The following SH3GL3 variants were observed in gnomAD, a reference collection of about 807,000 sequenced individuals.
The protein encoded by SH3GL3 is endophilin-A3.
Under a neutral mutation model 47.7 loss-of-function variants are expected in SH3GL3, and 33 were observed. The ratio of observed to expected loss-of-function variants is 0.69; its 90% CI spans 0.52 to 0.92. The LOEUF (loss-of-function observed/expected upper bound fraction) is 0.92. SH3GL3 is among the 40% of genes least tolerant of loss of function. The probability of loss-of-function intolerance (pLI) is 0.00; values close to 1 mark genes in which losing one functional copy is unlikely to be tolerated. For synonymous variants in SH3GL3, 155 were observed against 148.8 expected, an observed-to-expected ratio of 1.04 and a Z score of -0.30; for missense variants, 363 against 417.8, an observed-to-expected ratio of 0.87 and a Z score of 1.14.
intron 8 of SH3GL3, among the ~76,000 whole-genome samples, chr15:83,601,030 A>G (rs2060365681): frequency 6.6e-6 from 1 of 152,188 alleles, no homozygotes; most frequent in Non-Finnish European, 1.5e-5. Context: ...ATTTATGTAC[A>G]TTAATTTTGT....
At chr15:83,553,868 C>T (rs140910299) in intron 1 of SH3GL3, among the ~76,000 whole-genome samples, 110 of 152,228 alleles carry the variant, frequency 7.2e-4, no homozygotes, top group Middle Eastern at 3.4e-3. Flanking sequence ...AATTTACCAC[C>T]ATAGTTTCTC....
intron 1 of SH3GL3, among the ~76,000 whole-genome samples, chr15:83,539,022 G>T (rs1183002513): frequency 6.6e-6 from 1 of 152,116 alleles, no homozygotes; most frequent in African/African-American, 2.4e-5. Context: ...GGAAACACTT[G>T]TGTTGTTGTT....
intron 1 of SH3GL3, among the ~76,000 whole-genome samples, chr15:83,515,407 G>A (rs1168056524): frequency 6.6e-6 from 1 of 152,158 alleles, no homozygotes; most frequent in Non-Finnish European, 1.5e-5. Context: ...CTAGCAGGTC[G>A]AGTGCTTGAC....
chr15:83,447,446 G>T lies in SH3GL3; in HGVS notation c.-88G>T. ...GGCGGAGCCCAGCCGCGGGGGGACC[G>T]GCCCGGGCTCCCGCTCCCCGAGCGC... On this transcript the variant is annotated 5_prime_UTR_variant, in exon 1 of 9. Coordinates refer to ENST00000427482, the MANE Select transcript of SH3GL3 (RefSeq NM_003027.5). This position sits in a 1 kb window ranked among gnomAD's most constrained non-coding sequence, Gnocchi z 5.1. 8.4e-7 allele frequency: 1 copy of T among 1,196,172 alleles called. No individual in the cohort carries two copies. Among genetic ancestry groups the T allele is most frequent in the Non-Finnish European group, 1.1e-6 (1 of 919,548 alleles). The allele number at this position is 1,196,172 out of a possible 1,614,324, so 74.1% of individuals were successfully genotyped here.
intron 1 of SH3GL3, among the ~76,000 whole-genome samples, chr15:83,523,442 G>A (rs548962001): frequency 1.5e-4 from 23 of 152,276 alleles, no homozygotes; most frequent in Admixed American, 3.9e-4. Context: ...GGGGCTGAAC[G>A]CCATCTCCCA....
At chr15:83,569,730 G>T (rs1246897941) in intron 4 of SH3GL3, among the ~76,000 whole-genome samples, 1 of 152,188 alleles carries the variant, frequency 6.6e-6, no homozygotes, top group African/African-American at 2.4e-5. Context: ...ATACAAAAAT[G>T]ATATCTCATT....
At chr15:83,493,448 C>T (rs1375925644) in intron 1 of SH3GL3, among the ~76,000 whole-genome samples, 6 of 152,174 alleles carry the variant, frequency 3.9e-5, no homozygotes, top group African/African-American at 9.7e-5. Context: ...TTAAATGATC[C>T]TCTTCCCAGC....
chr15:83,577,687 AG>A (rs2059720302), intron 6 of SH3GL3, among the ~76,000 whole-genome samples: 1 of 152,148 alleles, frequency 6.6e-6, no homozygotes, highest in South Asian at 2.1e-4. Flanking sequence ...CCACCACGCC[AG>A]CCCCTGACTC....
At chr15:83,601,036 T>G (rs996777327) in intron 8 of SH3GL3, among the ~76,000 whole-genome samples, 3 of 152,216 alleles carry the variant, frequency 2.0e-5, no homozygotes, top group Non-Finnish European at 4.4e-5. Flanking sequence ...GTACATTAAT[T>G]TTGTATCCTG....
At chr15:83,450,712 T>C (rs542983209) in intron 1 of SH3GL3, among the ~76,000 whole-genome samples, 76 of 150,044 alleles carry the variant, frequency 5.1e-4, no homozygotes, top group Non-Finnish European at 7.9e-4. Flanking sequence ...TTTCTTTTTT[T>C]TTTTTTTTCT....
intron 1 of SH3GL3, among the ~76,000 whole-genome samples, chr15:83,533,663 A>G (rs1232090850): frequency 6.6e-6 from 1 of 152,156 alleles, no homozygotes; most frequent in Non-Finnish European, 1.5e-5. Flanking sequence ...GCATTGCCAC[A>G]GGGAGGGTGT....
intron 8 of SH3GL3, among the ~76,000 whole-genome samples, chr15:83,592,502 C>T (rs540698053): frequency 1.4e-5 from 2 of 139,888 alleles, no homozygotes; most frequent in East Asian, 4.6e-4. Context: ...AATGCTAAGA[C>T]CCATGTCATG....
chr15:83,502,930 C>T (rs915498714), intron 1 of SH3GL3, among the ~76,000 whole-genome samples: 1 of 152,052 alleles, frequency 6.6e-6, no homozygotes, highest in African/African-American at 2.4e-5. Flanking sequence ...GCTTATGTGA[C>T]CAGAGGCTTG....
At chr15:83,472,157 T>G (rs1330897563) in intron 1 of SH3GL3, among the ~76,000 whole-genome samples, 1 of 152,248 alleles carries the variant, frequency 6.6e-6, no homozygotes, top group Non-Finnish European at 1.5e-5. Flanking sequence ...GTGCTGGGAT[T>G]ACAGGCGTGA....
At position 83,576,584 on chromosome 15, in the gene SH3GL3, A is replaced by T; in HGVS notation, c.467A>T (p.His156Leu). 6.3e-7 allele frequency: 1 copy of T among 1,598,048 alleles called. No homozygotes were observed. Among genetic ancestry groups the T allele is most frequent in the South Asian group, 1.1e-5 (1 of 88,682 alleles). Residue 156 changes from histidine (H) to leucine (L), a missense_variant and splice_region_variant, in exon 6 of 9, where the codon CAT becomes CTT. Physicochemically the swap from His to Leu is moderately conservative, Grantham distance 99. Coordinates refer to ENST00000427482, the MANE Select transcript of SH3GL3 (RefSeq NM_003027.5). The part of the protein sequence containing the change: ...LQDKDLKEIG[H>L]HLKKLEGRRL... ...AGGGACTCCATTCTCTTTTTTTAGC[A>T]TCACCTGAAAAAGCTGGAAGGCCGC...
intron 1 of SH3GL3, among the ~76,000 whole-genome samples, chr15:83,482,891 T>A (rs2041430455): frequency 6.6e-6 from 1 of 152,188 alleles, no homozygotes; most frequent in Non-Finnish European, 1.5e-5. Context: ...TGCTATACCA[T>A]TTTTAATGTG....
chr15:83,481,251 G>C (rs1256349498), intron 1 of SH3GL3, among the ~76,000 whole-genome samples: 1 of 149,456 alleles, frequency 6.7e-6, no homozygotes, highest in African/African-American at 2.5e-5. Flanking sequence ...CTCCAGCCTG[G>C]GGGATAGAGA....
chr15:83,576,640 G>A lies in SH3GL3; in HGVS notation c.523G>A (p.Val175Ile). ...GGATTACGATTATAAAAAGAAACGA[G>A]TAGGTAAGATACCAGACGAAGAAGT... ...RLDYDYKKKRVGKIPDEEVRQ... is the reference protein window; with the variant it reads ...RLDYDYKKKRIGKIPDEEVRQ... Residue 175 changes from valine to isoleucine, a missense_variant, in exon 6 of 9, where the codon GTA (valine) becomes ATA (isoleucine). Coordinates refer to ENST00000427482, the MANE Select transcript of SH3GL3 (RefSeq NM_003027.5). 2 of 1,613,548 alleles carry A rather than the reference G, an allele frequency of 1.2e-6. No individual in the cohort carries two copies. The highest frequency in any genetic ancestry group is 1.1e-5 in the South Asian group (1 of 91,010).
At chr15:83,556,795 T>TG (rs1437338975) in intron 1 of SH3GL3, among the ~76,000 whole-genome samples, 1 of 151,888 alleles carries the variant, frequency 6.6e-6, no homozygotes. Context: ...GAGCACTGGG[T>TG]GGGTGGATGT....
Sources: gnomAD v4.1 joint callset for allele counts (sites outside exome capture counted in the v4.1 genomes callset) on GRCh38, gnomAD v4.1.1 for gene constraint, Gnocchi (gnomAD v3.1) non-coding constraint, MANE v1.5 for transcripts, NCBI Gene and HGNC (gene_info 2026-07-23, HGNC 2026-07-21) for gene names.